The following LIFR variants were observed in gnomAD, a reference collection of about 807,000 sequenced individuals.
The protein encoded by LIFR is leukemia inhibitory factor receptor.
A neutral mutation model predicts 122.2 loss-of-function variants in LIFR; 84 were observed. The ratio of observed to expected loss-of-function variants is 0.69; its 90% confidence interval spans 0.58 to 0.82. LIFR has a LOEUF of 0.82. LIFR is among the 40% of genes least tolerant of loss of function. The pLI, the probability that LIFR is intolerant of heterozygous loss-of-function variation, is 0.00. For missense variants in LIFR, 1,294 were observed against 1,311.6 expected, an observed-to-expected ratio of 0.99 and a Z score of 0.21; for synonymous variants, 422 against 434.7, an observed-to-expected ratio of 0.97 and a Z score of 0.36.
intron 5 of LIFR, among the ~76,000 whole-genome samples, chr5:38,512,868 G>T (rs1382872104): frequency 6.6e-6 from 1 of 152,106 alleles, no homozygotes; most frequent in Non-Finnish European, 1.5e-5. Flanking sequence ...AAAAGCTTAA[G>T]TCAAGGAGAG....
At position 38,584,736 on chromosome 5, in the gene LIFR, G is replaced by C. The variant is rs185176831; in HGVS notation, c.-20+10525C>G. ...AGAAAATAGGGAGATGTAGGTCAAAGGATAAAAAGTAGCAGATAAGTAGGA... is the reference window on the plus strand; with the variant it reads ...AGAAAATAGGGAGATGTAGGTCAAACGATAAAAAGTAGCAGATAAGTAGGA... On this transcript the variant is annotated intron_variant, in intron 1 of 19. Transcript: ENST00000263409. Among the ~76,000 whole-genome samples the C allele has an allele frequency of 1.7e-3, 260 of 152,240 alleles. 1 individual carries two copies. Among genetic ancestry groups the C allele is most frequent in the African/African-American group, 6.1e-3 (252 of 41,554 alleles).
Position 38,510,421 on chromosome 5 carries a change from A to G in LIFR, c.991+43T>C, listed in dbSNP as rs758246771. 1.0e-5 allele frequency: 16 copies of G among 1,599,578 alleles called. No individual in the cohort carries two copies. The Admixed American group carries it at 2.7e-4, about 27-fold the overall frequency. On this transcript the variant is annotated intron_variant, in intron 7 of 19. Transcript: ENST00000453190. The stretch of plus-strand genomic sequence containing the variant: ...GAATTAAGGCTTTCAAGGAAGACCA[A>G]AACAGGTTAATAGGAATTCTCTCTT...
At chr5:38,582,058 C>CT (rs35430300) in intron 1 of LIFR, among the ~76,000 whole-genome samples, 46,090 of 145,134 alleles carry the variant, frequency 0.32, 7,296 homozygotes, top group South Asian at 0.39. Flanking sequence ...TTTTTTTTTC[C>CT]TTTTTTTTTT....
At position 38,594,659 on chromosome 5, in the gene LIFR, G is replaced by C. The variant is rs147738386; in HGVS notation, c.-20+602C>G. Among the ~76,000 whole-genome samples the C allele has an allele frequency of 2.3e-3, 350 of 152,134 alleles. 5 individuals carry two copies. Among genetic ancestry groups the C allele is most frequent in the East Asian group, 0.017 (88 of 5,156 alleles). ...CTAGTAATGAAAAATAAAAAGGGAA[G>C]CTATTTAACTATTTCTCATAAAATA... On this transcript the variant is annotated intron_variant, in intron 1 of 19. Transcript: ENST00000263409.
chr5:38,545,725 G>A (rs1018697593), intron 1 of LIFR, among the ~76,000 whole-genome samples: 8 of 151,720 alleles, frequency 5.3e-5, no homozygotes, highest in Non-Finnish European at 8.8e-5. Context: ...CGCGGGGCAT[G>A]GTGGCGGGCG....
At chr5:38,573,199 C>T (rs1749271911) in intron 1 of LIFR, among the ~76,000 whole-genome samples, 1 of 152,206 alleles carries the variant, frequency 6.6e-6, no homozygotes, top group Non-Finnish European at 1.5e-5. Flanking sequence ...TGTTGCTTGT[C>T]TGTGACTTCT....
intron 7 of LIFR, among the ~76,000 whole-genome samples, chr5:38,508,866 A>C (rs374747030): frequency 6.6e-4 from 101 of 152,174 alleles, no homozygotes; most frequent in African/African-American, 2.3e-3. Flanking sequence ...TTACAGGCGT[A>C]AGCCACCACA....
chr5:38,499,447 T>G (rs1745059749), intron 12 of LIFR, 66 bp downstream of exon 12: 2 of 1,080,244 alleles, frequency 1.9e-6, no homozygotes, highest in Non-Finnish European at 2.9e-6. Context: ...ATAACCCAAG[T>G]ACCATGCGTA....
chr5:38,496,074 A>G (rs1580030769), intron 13 of LIFR, among the ~76,000 whole-genome samples: 1 of 152,158 alleles, frequency 6.6e-6, no homozygotes, highest in African/African-American at 2.4e-5. Flanking sequence ...AAGCGTCTGA[A>G]TATCATTTGA....
upstream of LIFR, among the ~76,000 whole-genome samples, chr5:38,597,321 C>G (rs1163673557): frequency 1.3e-5 from 2 of 152,208 alleles, no homozygotes; most frequent in Admixed American, 1.3e-4. Flanking sequence ...GAGGCCTGAG[C>G]TGGAGAGTTC....
rs1293630694 is a variant in LIFR at position 38,478,412 on chromosome 5, C to A, written c.*3183G>T. 4.7e-6 allele frequency: 1 copy of A among 210,638 alleles called. No homozygotes were observed. Among genetic ancestry groups the A allele is most frequent in the Non-Finnish European group, 9.7e-6 (1 of 103,444 alleles). 13.0% of individuals were successfully genotyped at this position (210,638 alleles called of 1,614,324 possible). On this transcript the variant is annotated 3_prime_UTR_variant, in exon 20 of 20. Transcript: ENST00000453190. ...GTTTCTAAGCTGCAGGAACAAAGCA[C>A]CTCTATCATATAAGCACATAAACAC... is the stretch of plus-strand genomic sequence containing the variant.
chr5:38,548,980 C>G (rs1159212299), intron 1 of LIFR, among the ~76,000 whole-genome samples: 1 of 152,106 alleles, frequency 6.6e-6, no homozygotes, highest in Non-Finnish European at 1.5e-5. Context: ...TTATTAAATA[C>G]TACATGTGGG....
Position 38,482,142 on chromosome 5 carries a change from G to A in LIFR, c.2747C>T (p.Ala916Val). The change falls in exon 20 of 20, where the codon GCA becomes GTA. Residue 916 changes from alanine to valine, a missense_variant. Ala to Val is a moderately conservative substitution (Grantham distance 64). Coordinates refer to ENST00000453190, the MANE Select transcript of LIFR (RefSeq NM_001127671.2). ...NNVEVLETRS[A>V]FPKIEDTEII... Reference sequence around the variant, plus strand: ...TTCTGTATCTTCTATTTTAGGAAATGCTGATCGAGTTTCCAGAACCTCAAC... The same window carrying A: ...TTCTGTATCTTCTATTTTAGGAAATACTGATCGAGTTTCCAGAACCTCAAC... 6.3e-7 allele frequency: 1 copy of A among 1,585,058 alleles called. No homozygotes were observed. Among genetic ancestry groups the A allele is most frequent in the Non-Finnish European group, 8.5e-7 (1 of 1,170,792 alleles).
chr5:38,484,587 C>CAA (rs1744176433), intron 18 of LIFR, among the ~76,000 whole-genome samples, 188 bp downstream of exon 18: 2 of 152,250 alleles, frequency 1.3e-5, no homozygotes, highest in Admixed American at 6.5e-5. Context: ...CACATTGACT[C>CAA]TATTAAGACC....
Position 38,534,324 on chromosome 5 carries a change from A to G in LIFR, c.-19-3658T>C, listed in dbSNP as rs117328812. On this transcript the variant is annotated intron_variant, in intron 1 of 19. Coordinates refer to ENST00000453190, the MANE Select transcript of LIFR (RefSeq NM_001127671.2). ...AGACTCCATTGTGTTATTGAAGTGA[A>G]GTGTAGGGGCTCTTCAAGTTAAAAG... is the stretch of plus-strand genomic sequence containing the variant. 6.0e-4 allele frequency among the ~76,000 whole-genome samples: 92 copies of G among 152,340 alleles called. 2 individuals carry two copies. The South Asian group carries it at 0.01, about 17-fold the overall frequency.
At chr5:38,523,138 G>A (rs903076122) in intron 5 of LIFR, among the ~76,000 whole-genome samples, 11 of 152,224 alleles carry the variant, frequency 7.2e-5, no homozygotes, top group Non-Finnish European at 1.5e-4. Flanking sequence ...ATATAAACAA[G>A]TCCAGACAGG....
At position 38,510,474 on chromosome 5, in the gene LIFR, A is replaced by G. The variant is rs767977354; in HGVS notation, c.981T>C (p.Ile327=). ...AAATCATATACTTACATCCAGCAAAAATAACGGTTCCAAATATGTTATCTT... is the reference window on the plus strand; with the variant it reads ...AAATCATATACTTACATCCAGCAAAGATAACGGTTCCAAATATGTTATCTT... ...TTEDNIFGTV[I]FAGYPPDTPQ... The change falls in exon 7 of 20, where the codon ATT becomes ATC. Residue 327 remains isoleucine (I), a synonymous_variant. Coordinates refer to ENST00000453190, the MANE Select transcript of LIFR (RefSeq NM_001127671.2). 3.2e-5 allele frequency: 51 copies of G among 1,613,364 alleles called. No homozygotes were observed. Among genetic ancestry groups the G allele is most frequent in the Non-Finnish European group, 4.2e-5 (50 of 1,179,814 alleles).
At chr5:38,501,235 T>C (rs1745159085) in intron 11 of LIFR, among the ~76,000 whole-genome samples, 1 of 152,244 alleles carries the variant, frequency 6.6e-6, no homozygotes, top group African/African-American at 2.4e-5. Context: ...CCTCCCTCTC[T>C]GTACTCATGC....
At position 38,479,383 on chromosome 5, in the gene LIFR, C is replaced by T; in HGVS notation, c.*2212G>A. ...TGCACTTTTTTCATACAGAAAAAAA[C>T]AATGAAGTCTTGGATAGAACGAAAG... On this transcript the variant is annotated 3_prime_UTR_variant, in exon 20 of 20. Transcript: ENST00000453190. 1 of 230,424 alleles carries T rather than the reference C, an allele frequency of 4.3e-6. No homozygotes were observed. The highest frequency in any genetic ancestry group is 6.1e-5 in the East Asian group (1 of 16,264). The allele number at this position is 230,424 out of a possible 1,614,324, so 14.3% of individuals were successfully genotyped here. A position where few individuals can be genotyped will look rare whatever the true frequency, so the allele number is the denominator to read the frequency against.
Sources: allele counts gnomAD v4.1 joint callset (sites outside exome capture counted in the v4.1 genomes callset), GRCh38; gene constraint gnomAD v4.1.1; transcripts MANE v1.5; gene names NCBI Gene and HGNC (gene_info 2026-07-23, HGNC 2026-07-21).